TAFA2: variants seen among roughly 807,000 people sequenced by gnomAD.
TAFA2 encodes TAFA chemokine like family member 2.
A neutral mutation model predicts 18.8 loss-of-function variants in TAFA2; 7 were observed. That is an observed-to-expected ratio of 0.37 (90% CI 0.21 to 0.70). The LOEUF is 0.70. Among genes scored for constraint, TAFA2 ranks in the 30% least tolerant of loss-of-function variants. The pLI is 0.53. For synonymous variants in TAFA2, 60 were observed against 54.2 expected (o/e 1.11, Z -0.47); for missense variants, 122 against 158.1 (o/e 0.77, Z 1.23).
rs145134215 is a variant in TAFA2, at chr12:62,170,040, A to T, written c.-2+21219T>A. On this transcript the variant is annotated intron_variant, in intron 1 of 4. Coordinates refer to ENST00000416284, the MANE Select transcript of TAFA2 (RefSeq NM_178539.5). ...GTTAAGATTCTAAGATAATTTATATATTATATTGCTTTCCGAGTTCCTTAA... is the reference window on the plus strand; with the variant it reads ...GTTAAGATTCTAAGATAATTTATATTTTATATTGCTTTCCGAGTTCCTTAA... Among the ~76,000 whole-genome samples, 8 of 152,240 alleles carry T rather than the reference A, an allele frequency of 5.3e-5. No homozygotes were observed. In the East Asian group the frequency reaches 1.5e-3, roughly 29 times the overall value.
At chr12:61,853,561 A>T in intron 2 of TAFA2, among the ~76,000 whole-genome samples, 1 of 152,178 alleles carries the variant, frequency 6.6e-6, no homozygotes, top group East Asian at 1.9e-4. Flanking sequence ...ACACAGAATT[A>T]TCATAAGGAT....
chr12:61,923,028 C>A lies in TAFA2; in HGVS notation c.-1-55602G>T, dbSNP rs186815016. Among the ~76,000 whole-genome samples the A allele has an allele frequency of 3.3e-5, 5 of 152,280 alleles. No homozygotes were observed. In the East Asian group the frequency reaches 7.7e-4, roughly 24 times the overall value. ...CCACCATGCAGCAAAGCCACTGTAG[C>A]CACACTGCTTCTTTAGATTCCTCCT... On this transcript the variant is annotated intron_variant, in intron 1 of 4. Coordinates refer to ENST00000416284, the MANE Select transcript of TAFA2 (RefSeq NM_178539.5).
chr12:62,116,373 C>A (rs939575376), intron 1 of TAFA2, among the ~76,000 whole-genome samples: 1 of 152,118 alleles, frequency 6.6e-6, no homozygotes, highest in Non-Finnish European at 1.5e-5. Flanking sequence ...TAAATATAAG[C>A]CCACAATCAT....
intron 2 of TAFA2, among the ~76,000 whole-genome samples, chr12:61,860,758 C>T (rs973113605): frequency 1.3e-5 from 2 of 152,172 alleles, no homozygotes; most frequent in Non-Finnish European, 2.9e-5. Context: ...TCCAATGTCT[C>T]CTCCCTAGCA....
rs546392412 is a variant in TAFA2 at position 61,809,874 on chromosome 12, G to A, written c.107-54850C>T. Among the ~76,000 whole-genome samples, 16 of 151,350 alleles carry A rather than the reference G, an allele frequency of 1.1e-4. No individual in the cohort carries two copies. The South Asian group carries it at 1.5e-3, about 14-fold the overall frequency. On this transcript the variant is annotated intron_variant, in intron 2 of 4. Coordinates refer to ENST00000416284, the MANE Select transcript of TAFA2 (RefSeq NM_178539.5). ...GGAAATCTCAATACCTCCATGCACA[G>A]TGATGTGTTTGAGACCATCAATGTG...
chr12:61,873,148 C>T lies in TAFA2; in HGVS notation c.-1-5722G>A, dbSNP rs559682646. On this transcript the variant is annotated intron_variant, in intron 1 of 4. Coordinates refer to ENST00000416284, the MANE Select transcript of TAFA2 (RefSeq NM_178539.5). ...GTTTTTTAATGGAGAAGTTTTATTACTTCTTTTATATTAACAACTAGAAAT... is the reference window on the plus strand; with the variant it reads ...GTTTTTTAATGGAGAAGTTTTATTATTTCTTTTATATTAACAACTAGAAAT... Among the ~76,000 whole-genome samples the T allele has an allele frequency of 4.1e-3, 631 of 152,066 alleles. 1 individual carries two copies. Among genetic ancestry groups the T allele is most frequent in the Non-Finnish European group, 6.0e-3 (407 of 67,982 alleles).
intron 1 of TAFA2, among the ~76,000 whole-genome samples, chr12:62,121,499 G>A (rs1443395471): frequency 6.6e-6 from 1 of 152,132 alleles, no homozygotes; most frequent in Non-Finnish European, 1.5e-5. Context: ...ATTACATGAT[G>A]TATGAGAGAG....
chr12:62,221,128 A>G (rs1311453286), intron 1 of TAFA2, among the ~76,000 whole-genome samples: 1 of 148,442 alleles, frequency 6.7e-6, no homozygotes, highest in African/African-American at 2.5e-5. Flanking sequence ...CAAAAACAAA[A>G]ACAAAACACA....
Position 61,851,360 on chromosome 12 carries a change from T to C in TAFA2, c.106+15960A>G, listed in dbSNP as rs1257338672. Among the ~76,000 whole-genome samples the C allele has an allele frequency of 2.0e-5, 3 of 152,140 alleles. No individual in the cohort carries two copies. In the East Asian group the frequency reaches 5.8e-4, roughly 29 times the overall value. The stretch of plus-strand genomic sequence containing the variant: ...GAGGGGAATGTGGCATAAAGGGGCA[T>C]AGTGCCTTCAAGAAATTGCCAAAAA... On this transcript the variant is annotated intron_variant, in intron 2 of 4. Transcript: ENST00000416284.
At chr12:61,836,181 G>A (rs17604850) in intron 2 of TAFA2, among the ~76,000 whole-genome samples, 16,732 of 151,688 alleles carry the variant, frequency 0.11, 1,122 homozygotes, top group East Asian at 0.19. Context: ...AGTTGTACAT[G>A]TTACTGTGAT....
rs1219147699 is a variant in TAFA2, at chr12:62,191,242, G to A, written c.-2+17C>T. ...CCCCAGCGCTGGCCGGCGACCCGAG[G>A]CGCGGCTCGCACCTACCTGCAGCCC... On this transcript the variant is annotated intron_variant, in intron 1 of 4. Transcript: ENST00000416284. 1.3e-5 allele frequency: 2 copies of A among 152,160 alleles called. No individual in the cohort carries two copies. Among genetic ancestry groups the A allele is most frequent in the African/African-American group, 2.4e-5 (1 of 41,444 alleles). The allele number at this position is 152,160 out of a possible 1,614,324, so 9.4% of individuals were successfully genotyped here.
At chr12:62,037,264 C>G (rs1054657591) in intron 1 of TAFA2, among the ~76,000 whole-genome samples, 3 of 152,186 alleles carry the variant, frequency 2.0e-5, no homozygotes, top group African/African-American at 7.2e-5. Context: ...TATTGCCCAT[C>G]TGTGCAGGGT....
chr12:61,830,025 T>C (rs564288222), intron 2 of TAFA2, among the ~76,000 whole-genome samples: 13 of 150,670 alleles, frequency 8.6e-5, no homozygotes, highest in Non-Finnish European at 1.6e-4. Context: ...ATGTCAACAA[T>C]GTAAACTTTG....
intron 4 of TAFA2, among the ~76,000 whole-genome samples, chr12:61,734,140 C>A (rs1424388876): frequency 4.0e-5 from 6 of 151,132 alleles, no homozygotes; most frequent in Admixed American, 2.0e-4. Context: ...TGAGACTTTG[C>A]TGAAGTTGCT....
chr12:61,759,597 G>A (rs1203386770), intron 2 of TAFA2, among the ~76,000 whole-genome samples: 1 of 151,948 alleles, frequency 6.6e-6, no homozygotes, highest in Non-Finnish European at 1.5e-5. Context: ...AAATTAGGAT[G>A]TTCTTTGTTA....
chr12:61,828,780 T>C (rs1294283522), intron 2 of TAFA2, among the ~76,000 whole-genome samples: 1 of 151,820 alleles, frequency 6.6e-6, no homozygotes, highest in Non-Finnish European at 1.5e-5. Flanking sequence ...ACCAAATACA[T>C]AGTTCAAGAA....
intron 1 of TAFA2, among the ~76,000 whole-genome samples, chr12:61,976,984 A>G (rs1879460814): frequency 6.6e-6 from 1 of 152,110 alleles, no homozygotes; most frequent in Non-Finnish European, 1.5e-5. Context: ...TAATAAACAT[A>G]CATGTGCATG....
At chr12:61,785,013 G>A (rs983924723) in intron 2 of TAFA2, among the ~76,000 whole-genome samples, 3 of 151,290 alleles carry the variant, frequency 2.0e-5, no homozygotes, top group Non-Finnish European at 4.4e-5. Flanking sequence ...ATATATTATT[G>A]TTAACTATAA....
intron 1 of TAFA2, among the ~76,000 whole-genome samples, chr12:62,182,485 T>A (rs940891266): frequency 6.6e-6 from 1 of 152,178 alleles, no homozygotes; most frequent in African/African-American, 2.4e-5. Context: ...GCCATGCAAC[T>A]CAAACCATAG....
Sources: allele counts gnomAD v4.1 joint callset (sites outside exome capture counted in the v4.1 genomes callset), GRCh38; gene constraint gnomAD v4.1.1; transcripts MANE v1.5; gene names NCBI Gene and HGNC (gene_info 2026-07-23, HGNC 2026-07-21).